The following ANAPC1 variants were observed in gnomAD, a reference collection of about 807,000 sequenced individuals.
ANAPC1 encodes the protein anaphase promoting complex subunit 1.
Under a neutral mutation model 208.0 loss-of-function variants are expected in ANAPC1, and 36 were observed. The ratio of observed to expected loss-of-function variants is 0.17; its 90% CI spans 0.13 to 0.23. The LOEUF is 0.23. ANAPC1 is among the 10% of genes least tolerant of loss of function. ANAPC1 has a pLI of 1.00. For missense variants in ANAPC1, 942 were observed against 2,011.6 expected, an observed-to-expected ratio of 0.47 and a Z score of 10.17; for synonymous variants, 378 against 695.2, an observed-to-expected ratio of 0.54 and a Z score of 7.18.
In ANAPC1 at chr2:111,767,898, A is replaced by G. The variant is rs1676522496; in HGVS notation, c.*1393T>C. The G allele has an allele frequency of 6.6e-6, 1 of 152,232 alleles. No homozygotes were observed. Among genetic ancestry groups the G allele is most frequent in the Admixed American group, 6.5e-5 (1 of 15,278 alleles). 9.4% of individuals were successfully genotyped at this position (152,232 alleles called of 1,614,324 possible). A position where few individuals can be genotyped will look rare whatever the true frequency, so the allele number is the denominator to read the frequency against. On this transcript the variant is annotated 3_prime_UTR_variant, in exon 48 of 48. Transcript: ENST00000341068. ...AAGCGAGTCCTCGGGGCAGCCACGC[A>G]AATGCAAGGACAGAGAGTCCAGAGA...
intron 7 of ANAPC1, chr2:111,865,808 AAAG>A (rs1195328879): frequency 5.7e-6 from 1 of 175,644 alleles, no homozygotes; most frequent in African/African-American, 2.4e-5. Context: ...ATGACAAAGA[AAAG>A]AAGGAACAAC....
intron 43 of ANAPC1, 133 bp downstream of exon 43, chr2:111,782,234 CAG>C (rs1410880261): frequency 1.4e-6 from 1 of 701,964 alleles, no homozygotes; most frequent in East Asian, 3.1e-5. Context: ...AAAAAGCAAA[CAG>C]AGCCACAGTC....
At chr2:111,775,861 G>A (rs1436605338) in intron 46 of ANAPC1, among the ~76,000 whole-genome samples, 1 of 152,268 alleles carries the variant, frequency 6.6e-6, no homozygotes, top group Non-Finnish European at 1.5e-5. Flanking sequence ...GGATAAAAAT[G>A]ACTATCCAAA....
chr2:111,870,897 T>C (rs1682710750), intron 6 of ANAPC1, among the ~76,000 whole-genome samples: 2 of 152,188 alleles, frequency 1.3e-5, no homozygotes, highest in South Asian at 2.1e-4. Context: ...CCCAATTTCA[T>C]TCTTCTAAAA....
intron 18 of ANAPC1, among the ~76,000 whole-genome samples, chr2:111,836,664 A>T (rs1293047254): frequency 2.6e-5 from 4 of 151,772 alleles, no homozygotes; most frequent in African/African-American, 9.7e-5. Context: ...AAAAAAGAAA[A>T]GAAATGAAAA....
chr2:111,840,391 T>C (rs1196455839), intron 17 of ANAPC1, among the ~76,000 whole-genome samples: 3 of 152,210 alleles, frequency 2.0e-5, no homozygotes, highest in African/African-American at 7.2e-5. Context: ...TGCAGTCCTA[T>C]AAATAAATAG....
chr2:111,781,874 C>G (rs1677299994), intron 43 of ANAPC1, among the ~76,000 whole-genome samples: 1 of 152,296 alleles, frequency 6.6e-6, no homozygotes, highest in Non-Finnish European at 1.5e-5. Flanking sequence ...CACTACTGCA[C>G]TGGCAGTCGA....
intron 1 of ANAPC1, among the ~76,000 whole-genome samples, chr2:111,883,231 G>A (rs898463334): frequency 1.3e-5 from 2 of 149,398 alleles, no homozygotes; most frequent in Admixed American, 1.3e-4. Flanking sequence ...AATTCAGCTG[G>A]TCTTCCTATA....
At chr2:111,821,994 T>C (rs1679562207) in intron 25 of ANAPC1, among the ~76,000 whole-genome samples, 1 of 152,082 alleles carries the variant, frequency 6.6e-6, no homozygotes, top group African/African-American at 2.4e-5. Flanking sequence ...AAAGGTTAAA[T>C]TCAAAAAATT....
At chr2:111,871,825 C>G (rs1235869688) in intron 6 of ANAPC1, among the ~76,000 whole-genome samples, 2 of 152,174 alleles carry the variant, frequency 1.3e-5, no homozygotes, top group Non-Finnish European at 2.9e-5. Flanking sequence ...TGCTATTGAT[C>G]TGTGTACATT....
Position 111,880,783 on chromosome 2 carries a change from T to G in ANAPC1, c.43A>C (p.Arg15=), listed in dbSNP as rs559818654. 19 of 1,613,946 alleles carry G rather than the reference T, an allele frequency of 1.2e-5. No individual in the cohort carries two copies. The African/African-American group carries it at 2.5e-4, about 22-fold the overall frequency. ...AAAGGAACAAATTCCTGCAAATCCC[T>G]TGCTGCAATCATCGTTGTCCTTTCT... is the stretch of plus-strand genomic sequence containing the variant. ...YEERTTMIAA[R]DLQEFVPFGR... Residue 15 remains arginine, a synonymous_variant, in exon 2 of 48, where the codon AGG becomes CGG. Coordinates refer to ENST00000341068, the MANE Select transcript of ANAPC1 (RefSeq NM_022662.4).
intron 21 of ANAPC1, among the ~76,000 whole-genome samples, chr2:111,826,774 C>T (rs1679861200): frequency 6.6e-6 from 1 of 151,946 alleles, no homozygotes; most frequent in African/African-American, 2.4e-5. Context: ...GATTCTCCCA[C>T]CTTAGCCTCC....
rs376983219 is a variant in ANAPC1 at position 111,769,280 on chromosome 2, G to A, written c.*11C>T. ...AGTCACGTTTCAGGGTAGGTTCACC[G>A]CCAGACACGGTCACATCACCATTGG... On this transcript the variant is annotated 3_prime_UTR_variant, in exon 48 of 48. Transcript: ENST00000341068. 288 of 1,609,712 alleles carry A rather than the reference G, an allele frequency of 1.8e-4. 1 individual carries two copies. The highest frequency in any genetic ancestry group is 2.3e-4 in the Admixed American group (14 of 59,658).
chr2:111,826,668 T>TATTTA (rs199635680), intron 21 of ANAPC1, among the ~76,000 whole-genome samples: 11 of 120,742 alleles, frequency 9.1e-5, no homozygotes, highest in African/African-American at 2.6e-4. Context: ...TTTATTTATT[T>TATTTA]TTTTTTTTTT....
chr2:111,798,324 A>G (rs979897733), intron 34 of ANAPC1, among the ~76,000 whole-genome samples: 23 of 152,232 alleles, frequency 1.5e-4, no homozygotes, highest in Non-Finnish European at 2.1e-4. Flanking sequence ...TTGAACTACA[A>G]ACAACGTGGT....
chr2:111,841,861 T>C lies in ANAPC1; in HGVS notation c.2040+1551A>G, dbSNP rs559982568. Among the ~76,000 whole-genome samples, 29 of 152,272 alleles carry C rather than the reference T, an allele frequency of 1.9e-4. No homozygotes were observed. The East Asian group carries it at 5.6e-3, about 29-fold the overall frequency. ...TGAAATTTTGAAAAAAACATTCCCA[T>C]TTACTTATAGAGAAATAAGATAAAA... is the stretch of plus-strand genomic sequence containing the variant. On this transcript the variant is annotated intron_variant, in intron 17 of 47. Coordinates refer to ENST00000341068, the MANE Select transcript of ANAPC1 (RefSeq NM_022662.4).
chr2:111,878,788 G>A, intron 3 of ANAPC1, 22 bp downstream of exon 3: 1 of 1,587,286 alleles, frequency 6.3e-7, no homozygotes, highest in South Asian at 1.2e-5. Flanking sequence ...TGAATCAAAT[G>A]CTAAAATTCA....
intron 18 of ANAPC1, among the ~76,000 whole-genome samples, chr2:111,836,509 G>A (rs1470435895): frequency 2.0e-5 from 3 of 149,514 alleles, no homozygotes; most frequent in Admixed American, 6.6e-5. Context: ...TTAGCCAGGC[G>A]TGATGGAGCA....
At chr2:111,822,883 C>T (rs1243638402) in intron 24 of ANAPC1, among the ~76,000 whole-genome samples, 1 of 151,720 alleles carries the variant, frequency 6.6e-6, no homozygotes, top group African/African-American at 2.4e-5. Context: ...TGAAAAGATG[C>T]TCTACCTAAT....
Sources: allele counts gnomAD v4.1 joint callset (sites outside exome capture counted in the v4.1 genomes callset), GRCh38; gene constraint gnomAD v4.1.1; transcripts MANE v1.5; gene names NCBI Gene and HGNC (gene_info 2026-07-23, HGNC 2026-07-21).